IL12RB1: variants seen among roughly 807,000 people sequenced by gnomAD.
The protein encoded by IL12RB1 is interleukin 12 receptor subunit beta 1, also known as interleukin-12 receptor subunit beta-1.
In IL12RB1, 64 loss-of-function variants were observed where a neutral mutation model predicts 94.4. That is an observed-to-expected ratio of 0.68 (90% confidence interval 0.55 to 0.83). The LOEUF (loss-of-function observed/expected upper bound fraction) is 0.83. Among genes scored for constraint, IL12RB1 ranks in the 40% least tolerant of loss-of-function variants. The probability of loss-of-function intolerance (pLI) is 0.00; values close to 1 mark genes in which losing one functional copy is unlikely to be tolerated. For missense variants in IL12RB1, 814 were observed against 855.6 expected, an observed-to-expected ratio of 0.95 and a Z score of 0.61; for synonymous variants, 362 against 355.5, an observed-to-expected ratio of 1.02 and a Z score of -0.21.
chr19:18,063,337 A>C (rs999887492), intron 13 of IL12RB1, among the ~76,000 whole-genome samples: 1 of 151,708 alleles, frequency 6.6e-6, no homozygotes, highest in South Asian at 2.1e-4. Context: ...GGCTCAAGCA[A>C]TCCTCCAGCC....
In IL12RB1 at chr19:18,083,503, A is replaced by C; in HGVS notation, c.65-12T>G. 1 of 1,613,788 alleles carries C rather than the reference A, an allele frequency of 6.2e-7. No individual in the cohort carries two copies. The highest frequency in any genetic ancestry group is 8.5e-7 in the Non-Finnish European group (1 of 1,179,792). The stretch of plus-strand genomic sequence containing the variant: ...GGTTCTGCAGGCAGCTGCAAAGGCA[A>C]TGAAGACATAATGACATTCCTGGCC... On this transcript the variant is annotated splice_polypyrimidine_tract_variant and intron_variant, in intron 1 of 16. Coordinates refer to ENST00000593993, the MANE Select transcript of IL12RB1 (RefSeq NM_005535.3).
chr19:18,075,891 T>A, intron 6 of IL12RB1, 23 bp from the exon 7 acceptor site: 1 of 1,611,466 alleles, frequency 6.2e-7, no homozygotes, highest in Non-Finnish European at 8.5e-7. Context: ...AGGTCGAACA[T>A]CAGGCCGTAA....
chr19:18,074,847 T>G (rs2035329265), intron 7 of IL12RB1, among the ~76,000 whole-genome samples: 1 of 151,822 alleles, frequency 6.6e-6, no homozygotes, highest in South Asian at 2.1e-4. Flanking sequence ...GTCAGGAGAT[T>G]GAGACCATCC....
At chr19:18,062,974 G>A (rs1269823766) in intron 13 of IL12RB1, among the ~76,000 whole-genome samples, 1 of 145,234 alleles carries the variant, frequency 6.9e-6, no homozygotes, top group Non-Finnish European at 1.5e-5. Context: ...CCATGCACCC[G>A]ACAACAGAGC....
At chr19:18,067,101 A>G (rs1321911903) in intron 11 of IL12RB1, among the ~76,000 whole-genome samples, 1 of 151,042 alleles carries the variant, frequency 6.6e-6, no homozygotes, top group Non-Finnish European at 1.5e-5. Context: ...AGGTGGGTAG[A>G]TCACTTAAGG....
chr19:18,094,297 T>C (rs1193781366), intron 1 of IL12RB1, among the ~76,000 whole-genome samples: 1 of 152,072 alleles, frequency 6.6e-6, no homozygotes. Flanking sequence ...CCCCCTTAAT[T>C]TTTGTAGTTT....
At chr19:18,079,104 A>T (rs1009290101) in intron 4 of IL12RB1, among the ~76,000 whole-genome samples, 4 of 139,854 alleles carry the variant, frequency 2.9e-5, no homozygotes, top group South Asian at 2.3e-4. Flanking sequence ...AACACTTAAA[A>T]TTTTTTTTTT....
intron 7 of IL12RB1, among the ~76,000 whole-genome samples, chr19:18,075,051 C>CAAAA (rs569024952): frequency 7.9e-6 from 1 of 126,630 alleles, no homozygotes; most frequent in Non-Finnish European, 1.7e-5. Context: ...GACTCCGTCT[C>CAAAA]AAAAAAAAAA....
intron 3 of IL12RB1, among the ~76,000 whole-genome samples, chr19:18,081,456 T>A (rs906988273): frequency 6.6e-6 from 1 of 151,704 alleles, no homozygotes; most frequent in Non-Finnish European, 1.5e-5. Flanking sequence ...TCCTTGGAGA[T>A]CAGTCTGGGA....
At chr19:18,061,880 G>GAAAAAAA (rs1347439324) in intron 14 of IL12RB1, among the ~76,000 whole-genome samples, 3 of 77,670 alleles carry the variant, frequency 3.9e-5, no homozygotes, top group African/African-American at 9.4e-5. Flanking sequence ...AAAAAAAAAA[G>GAAAAAAA]AAAGAAATTT....
At chr19:18,074,763 A>G (rs1218865725) in intron 7 of IL12RB1, among the ~76,000 whole-genome samples, 1 of 151,502 alleles carries the variant, frequency 6.6e-6, no homozygotes, top group East Asian at 1.9e-4. Flanking sequence ...AACAAAAAAT[A>G]GCAGTAGGCC....
chr19:18,083,408 C>A (rs1316726496), intron 2 of IL12RB1, 24 bp downstream of exon 2: 1 of 1,610,238 alleles, frequency 6.2e-7, no homozygotes, highest in African/African-American at 1.3e-5. Flanking sequence ...AATCCTCAGC[C>A]AACAATGAGG....
intron 8 of IL12RB1, among the ~76,000 whole-genome samples, chr19:18,072,690 C>T (rs771074423): frequency 3.9e-5 from 6 of 151,934 alleles, no homozygotes; most frequent in Non-Finnish European, 7.4e-5. Flanking sequence ...GCTCACGCCT[C>T]TAATCCCAGC....
intron 15 of IL12RB1, among the ~76,000 whole-genome samples, chr19:18,060,330 T>C (rs570733707): frequency 2.0e-5 from 3 of 152,086 alleles, no homozygotes; most frequent in Admixed American, 6.6e-5. Flanking sequence ...AATACAAAAA[T>C]TAGCTGAGCT....
upstream of IL12RB1, among the ~76,000 whole-genome samples, chr19:18,091,868 C>CTTTTTTTTTT (rs1264996682): frequency 1.7e-5 from 2 of 120,492 alleles, no homozygotes; most frequent in Non-Finnish European, 3.4e-5. Context: ...CCTGGCTTTT[C>CTTTTTTTTTT]TTTTTTTTTT....
chr19:18,069,477 T>C, intron 10 of IL12RB1, 69 bp downstream of exon 10: 3 of 1,444,662 alleles, frequency 2.1e-6, no homozygotes, highest in Non-Finnish European at 2.8e-6. Context: ...CCCTGCAGGT[T>C]TGAACCCACC....
At chr19:18,092,320 G>A (rs902365696) in intron 1 of IL12RB1, among the ~76,000 whole-genome samples, 13 of 150,198 alleles carry the variant, frequency 8.7e-5, no homozygotes, top group African/African-American at 3.2e-4. Flanking sequence ...GAGAAACCCC[G>A]TCTCTACTAA....
At chr19:18,077,690 C>T (rs1278099824) in intron 4 of IL12RB1, 35 bp from the exon 5 acceptor site, 6 of 1,425,308 alleles carry the variant, frequency 4.2e-6, no homozygotes. Context: ...GAGGGGCAGC[C>T]CACACGTATG....
intron 9 of IL12RB1, chr19:18,070,519 G>T: frequency 1.0e-6 from 1 of 985,278 alleles, no homozygotes; most frequent in South Asian, 4.7e-5. Context: ...TCCCGCCAGG[G>T]CGTCTTCATG....
Sources: gnomAD v4.1 joint callset for allele counts (sites outside exome capture counted in the v4.1 genomes callset) on GRCh38, gnomAD v4.1.1 for gene constraint, MANE v1.5 for transcripts, NCBI Gene and HGNC (gene_info 2026-07-23, HGNC 2026-07-21) for gene names.